Variants in NXNL1 observed in about 807,000 individuals in gnomAD.
NXNL1 encodes nucleoredoxin like 1, also known as nucleoredoxin-like protein 1.
A neutral mutation model predicts 7.2 loss-of-function variants in NXNL1; 6 were observed. The observed-to-expected ratio is 0.83, with a 90% CI of 0.46 to 1.64. The LOEUF is 1.64. Among genes scored for constraint, NXNL1 ranks in the 40% most tolerant of loss-of-function variants. The probability of loss-of-function intolerance (pLI) is 0.01; values close to 1 mark genes in which losing one functional copy is unlikely to be tolerated. For missense variants in NXNL1, 308 were observed against 285.1 expected (o/e 1.08, Z -0.58); for synonymous variants, 133 against 127.2 (o/e 1.05, Z -0.31).
Position 17,458,588 on chromosome 19 carries a change from T to C in NXNL1, c.326+1956A>G, listed in dbSNP as rs553924384. Among the ~76,000 whole-genome samples, 3 of 140,202 alleles carry C rather than the reference T, an allele frequency of 2.1e-5. No individual in the cohort carries two copies. In the East Asian group the frequency reaches 6.0e-4, roughly 28 times the overall value. The allele number at this position is 140,202 out of a possible 152,430, so 92.0% of individuals were successfully genotyped here. On this transcript the variant is annotated intron_variant, in intron 1 of 1. Transcript: ENST00000301944. ...TCCTTTTGTAAATTTTTTTAAAGGA[T>C]CTTTTTAATTTTTTTTTTTTTTTTT...
chr19:17,459,245 C>G lies in NXNL1; in HGVS notation c.326+1299G>C, dbSNP rs931865410. Among the ~76,000 whole-genome samples the G allele has an allele frequency of 2.8e-5, 4 of 143,444 alleles. No homozygotes were observed. In the Admixed American group the frequency reaches 2.8e-4, roughly 10 times the overall value. 94.1% of individuals were successfully genotyped at this position (143,444 alleles called of 152,430 possible). ...GTAACAATAACATTGTAAATTTGATCCTCTCCGGAATTACCTACAGTCTCC... is the reference window on the plus strand; with the variant it reads ...GTAACAATAACATTGTAAATTTGATGCTCTCCGGAATTACCTACAGTCTCC... On this transcript the variant is annotated intron_variant, in intron 1 of 1. Transcript: ENST00000301944.
chr19:17,456,773 T>C (rs1308054320), intron 1 of NXNL1, among the ~76,000 whole-genome samples: 1 of 152,056 alleles, frequency 6.6e-6, no homozygotes, highest in Non-Finnish European at 1.5e-5. Flanking sequence ...AGAGAACCCA[T>C]GATACTTACA....
In NXNL1 at chr19:17,455,927, A is replaced by G; in HGVS notation, c.359T>C (p.Leu120Pro). The G allele has an allele frequency of 1.3e-6, 2 of 1,596,318 alleles. No homozygotes were observed. The highest frequency in any genetic ancestry group is 1.7e-6 in the Non-Finnish European group (2 of 1,178,742). ...DLGRQFSVER[L>P]PAVVVLKPDG... ...CGGCTTGAGCACCACGACCGCCGGC[A>G]GGCGCTCCACTGAGAACTGGCGCCC... Residue 120 changes from leucine to proline, a missense_variant, in exon 2 of 2, where the codon CTG becomes CCG. Transcript: ENST00000301944.
Position 17,460,825 on chromosome 19 carries a change from G to A in NXNL1, c.45C>T (p.Ser15=), listed in dbSNP as rs142835364. ...FSGRILIRNN[S]DQDELDTEAE... is the part of the protein sequence containing the mutation. ...CCTCCGTATCCAGCTCGTCCTGGTC[G>A]CTATTGTTGCGGATCAGGATGCGGC... Residue 15 remains serine, a synonymous_variant, in exon 1 of 2, where the codon AGC becomes AGT. Transcript: ENST00000301944. The A allele has an allele frequency of 6.4e-5, 103 of 1,613,758 alleles. No homozygotes were observed. The African/African-American group carries it at 1.2e-3, about 19-fold the overall frequency.
intron 1 of NXNL1, among the ~76,000 whole-genome samples, chr19:17,456,339 T>TAAAG (rs1313826084): frequency 1.3e-5 from 2 of 151,142 alleles, no homozygotes; most frequent in Non-Finnish European, 3.0e-5. Flanking sequence ...AATAAATAAA[T>TAAAG]AAAGCAGGGT....
chr19:17,459,829 G>A (rs2075006155), intron 1 of NXNL1, among the ~76,000 whole-genome samples: 2 of 152,090 alleles, frequency 1.3e-5, no homozygotes, highest in East Asian at 3.9e-4. Context: ...TCTTACCATA[G>A]CCTCCCAGGT....
chr19:17,457,529 A>G (rs1052523144), intron 1 of NXNL1, among the ~76,000 whole-genome samples: 2 of 151,074 alleles, frequency 1.3e-5, no homozygotes, highest in African/African-American at 4.9e-5. Context: ...GTACCACCAC[A>G]CCTAATTTTT....
In NXNL1 at chr19:17,455,663, G is replaced by GCCCCCCCCCCCCCCCCC; in HGVS notation, c.622_623insGGGGGGGGGGGGGGGGG (p.Ala208GlyfsTer62). On this transcript the variant is annotated frameshift_variant, in exon 2 of 2. Transcript: ENST00000301944. LOFTEE classifies it high-confidence loss of function. Reference sequence around the variant, plus strand: ...CCTAGCGGGTCAGAACAGCCCCCCGGCCCCGCCCTCCTCCCCACCCCCTCC... The same window carrying GCCCCCCCCCCCCCCCCC: ...CCTAGCGGGTCAGAACAGCCCCCCGGCCCCCCCCCCCCCCCCCCCCCGCCCTCCTCCCCACCCCCTCC... 6.5e-6 allele frequency: 5 copies of GCCCCCCCCCCCCCCCCC among 771,712 alleles called. No individual in the cohort carries two copies. Among genetic ancestry groups the GCCCCCCCCCCCCCCCCC allele is most frequent in the East Asian group, 2.8e-5 (1 of 36,240 alleles). 47.8% of individuals were successfully genotyped at this position (771,712 alleles called of 1,614,324 possible).
At position 17,455,829 on chromosome 19, in the gene NXNL1, G is replaced by C. The variant is rs751795877; in HGVS notation, c.457C>G (p.Gln153Glu). Reference sequence around the variant, plus strand: ...CGGTCCAGCACCTCGGCCGCCTCCTGCCAGTTGGCGAAGCAGGCGGTGCCC... The same window carrying C: ...CGGTCCAGCACCTCGGCCGCCTCCTCCCAGTTGGCGAAGCAGGCGGTGCCC... ...RLGTACFANWQEAAEVLDRNF... is the reference protein window; with the variant it reads ...RLGTACFANWEEAAEVLDRNF... Residue 153 changes from glutamine (Q) to glutamate (E), a missense_variant, in exon 2 of 2, where the codon CAG becomes GAG. Physicochemically the swap from Gln to Glu is conservative, Grantham distance 29. Coordinates refer to ENST00000301944, the MANE Select transcript of NXNL1 (RefSeq NM_138454.2). 4.4e-6 allele frequency: 7 copies of C among 1,583,742 alleles called. No homozygotes were observed. The Admixed American group carries it at 7.0e-5, about 16-fold the overall frequency.
intron 1 of NXNL1, among the ~76,000 whole-genome samples, chr19:17,460,211 A>G (rs2075007342): frequency 6.6e-6 from 1 of 151,990 alleles, no homozygotes. Context: ...GGGTTTCACT[A>G]TGTTGACCAG....
intron 1 of NXNL1, among the ~76,000 whole-genome samples, chr19:17,458,524 A>G (rs1221080215): frequency 6.6e-6 from 1 of 150,896 alleles, no homozygotes; most frequent in Non-Finnish European, 1.5e-5. Flanking sequence ...TTTTTTTCAT[A>G]ATAAAAAGTC....
At chr19:17,456,075 C>T in intron 1 of NXNL1, 116 bp from the exon 2 acceptor site, 2 of 1,503,672 alleles carry the variant, frequency 1.3e-6, no homozygotes, top group Admixed American at 4.4e-5. Flanking sequence ...TGCCTCTTGC[C>T]GGGCACTGGG....
At chr19:17,458,444 G>A (rs1461545307) in intron 1 of NXNL1, among the ~76,000 whole-genome samples, 2 of 151,096 alleles carry the variant, frequency 1.3e-5, no homozygotes, top group African/African-American at 2.4e-5. Flanking sequence ...TCCTGACCTC[G>A]TGATCCGCCC....
chr19:17,460,529 C>T lies in NXNL1; in HGVS notation c.326+15G>A. 6.3e-7 allele frequency: 1 copy of T among 1,599,338 alleles called. No individual in the cohort carries two copies. The highest frequency in any genetic ancestry group is 8.5e-7 in the Non-Finnish European group (1 of 1,179,776). ...ATGCCCCCTCCTCCAGGAAGCCCTCCCTGCCCCTCCTCACCTCCTCAGATC... is the reference window on the plus strand; with the variant it reads ...ATGCCCCCTCCTCCAGGAAGCCCTCTCTGCCCCTCCTCACCTCCTCAGATC... On this transcript the variant is annotated intron_variant, in intron 1 of 1. Coordinates refer to ENST00000301944, the MANE Select transcript of NXNL1 (RefSeq NM_138454.2).
chr19:17,455,910 G>T lies in NXNL1; in HGVS notation c.376C>A (p.Leu126Ile). ...GTGAGCACGTCCCCGTCCGGCTTGA[G>T]CACCACGACCGCCGGCAGGCGCTCC... ...SVERLPAVVV[L>I]KPDGDVLTRD... The change falls in exon 2 of 2, where the codon CTC (leucine) becomes ATC (isoleucine). Residue 126 changes from leucine (L) to isoleucine (I), a missense_variant. Coordinates refer to ENST00000301944, the MANE Select transcript of NXNL1 (RefSeq NM_138454.2). The T allele has an allele frequency of 6.3e-7, 1 of 1,595,572 alleles. No individual in the cohort carries two copies. The highest frequency in any genetic ancestry group is 8.5e-7 in the Non-Finnish European group (1 of 1,178,332).
chr19:17,455,982 TGGAC>T (rs1246971510), intron 1 of NXNL1, 23 bp from the exon 2 acceptor site: 1 of 1,597,242 alleles, frequency 6.3e-7, no homozygotes, highest in Non-Finnish European at 8.5e-7. Flanking sequence ...CAGGTCAGTC[TGGAC>T]GGATCCACAT....
chr19:17,458,220 C>CTTT lies in NXNL1; in HGVS notation c.327-2264_327-2262dup, dbSNP rs756873224. 1.8e-3 allele frequency among the ~76,000 whole-genome samples: 222 copies of CTTT among 122,156 alleles called. 1 individual carries two copies. The highest frequency in any genetic ancestry group is 3.4e-3 in the African/African-American group (111 of 32,802). 80.1% of individuals were successfully genotyped at this position (122,156 alleles called of 152,430 possible). A position where few individuals can be genotyped will look rare whatever the true frequency, so the allele number is the denominator to read the frequency against. ...TTTCTTTCTTTCTTTTTCTTTCTTT[C>CTTT]TTTTTTTTTTTTTTTTTGTGACATA... On this transcript the variant is annotated intron_variant, in intron 1 of 1. Transcript: ENST00000301944.
chr19:17,457,446 G>A (rs898186190), intron 1 of NXNL1, among the ~76,000 whole-genome samples: 4 of 151,762 alleles, frequency 2.6e-5, no homozygotes, highest in Non-Finnish European at 4.4e-5. Flanking sequence ...AACACAGATC[G>A]TGGTAACTTC....
At chr19:17,456,290 G>A (rs2074993100) in intron 1 of NXNL1, among the ~76,000 whole-genome samples, 1 of 128,528 alleles carries the variant, frequency 7.8e-6, no homozygotes. Flanking sequence ...TTTATTTGTA[G>A]TAAGACCCTG....
Sources: gnomAD v4.1 joint callset for allele counts (sites outside exome capture counted in the v4.1 genomes callset) on GRCh38, gnomAD v4.1.1 for gene constraint, MANE v1.5 for transcripts, NCBI Gene and HGNC (gene_info 2026-07-23, HGNC 2026-07-21) for gene names.